The following ARHGAP23 variants were observed in gnomAD, a reference collection of about 807,000 sequenced individuals.
The protein encoded by ARHGAP23 is rho GTPase-activating protein 23.
ARHGAP23 carries 34 observed loss-of-function variants against 136.3 expected under a neutral mutation model. The observed-to-expected ratio is 0.25, with a 90% confidence interval of 0.19 to 0.33. The LOEUF (loss-of-function observed/expected upper bound fraction) is 0.33. Among genes scored for constraint, ARHGAP23 ranks in the 10% least tolerant of loss-of-function variants. The pLI, the probability that ARHGAP23 is intolerant of heterozygous loss-of-function variation, is 1.00. For synonymous variants in ARHGAP23, 832 were observed against 920.5 expected (o/e 0.90, Z 1.74); for missense variants, 1,808 against 2,139.0 (o/e 0.85, Z 3.05).
At chr17:38,465,297 T>C (rs980033701) in intron 6 of ARHGAP23, among the ~76,000 whole-genome samples, 3 of 149,864 alleles carry the variant, frequency 2.0e-5, no homozygotes, top group Non-Finnish European at 4.4e-5. Context: ...TAGTTATTTG[T>C]GTGTGTTTCA....
chr17:38,446,919 T>C (rs2039047992), intron 1 of ARHGAP23, among the ~76,000 whole-genome samples: 1 of 152,058 alleles, frequency 6.6e-6, no homozygotes, highest in African/African-American at 2.4e-5. Context: ...GTTCAAGGGA[T>C]CCTCCCACCT....
At chr17:38,458,482 A>T (rs560605103) in intron 2 of ARHGAP23, among the ~76,000 whole-genome samples, 7 of 152,228 alleles carry the variant, frequency 4.6e-5, no homozygotes, top group African/African-American at 1.7e-4. Context: ...GTGGACAAAC[A>T]CTTGAATCAC....
intron 1 of ARHGAP23, among the ~76,000 whole-genome samples, chr17:38,438,051 G>A (rs141793000): frequency 5.3e-5 from 8 of 152,266 alleles, no homozygotes; most frequent in African/African-American, 1.4e-4. Flanking sequence ...GGCCAGGCAC[G>A]GTGGCTCACG....
At position 38,510,900 on chromosome 17, in the gene ARHGAP23, C is replaced by T. The variant is rs1342663340; in HGVS notation, c.4404C>T (p.Pro1468=). 5.4e-6 allele frequency: 8 copies of T among 1,490,362 alleles called. No individual in the cohort carries two copies. The highest frequency in any genetic ancestry group is 7.1e-6 in the Non-Finnish European group (8 of 1,129,038). 92.3% of individuals were successfully genotyped at this position (1,490,362 alleles called of 1,614,324 possible). ...CCGCTGCCTCGCAGCCGCCCGCGCC[C>T]GGGGACACGGGGTCCCTGCAGAGCC... The part of the protein sequence containing the change: ...PSSAASQPPA[P]GDTGSLQSQP... Residue 1468 remains proline (P), a synonymous_variant, in exon 24 of 24, where the codon CCC becomes CCT. Transcript: ENST00000622683. The surrounding 1 kb of genome is among the most constrained non-coding windows in gnomAD (Gnocchi z 4.6).
rs371201059 is a variant in ARHGAP23, at chr17:38,464,355, G to A, written c.483+973G>A. Among the ~76,000 whole-genome samples, 274 of 152,222 alleles carry A rather than the reference G, an allele frequency of 1.8e-3. 3 individuals carry two copies. The highest frequency in any genetic ancestry group is 0.014 in the South Asian group (68 of 4,822). On this transcript the variant is annotated intron_variant, in intron 6 of 23. Transcript: ENST00000622683. ...TTTGTGCCTGGAGCCCCGGCGGTCCGCTTTGCCCAGTGCCCACCTCCCTGG... is the reference window on the plus strand; with the variant it reads ...TTTGTGCCTGGAGCCCCGGCGGTCCACTTTGCCCAGTGCCCACCTCCCTGG...
chr17:38,483,604 G>A (rs1156634450), intron 16 of ARHGAP23, among the ~76,000 whole-genome samples: 1 of 152,280 alleles, frequency 6.6e-6, no homozygotes, highest in Non-Finnish European at 1.5e-5. Flanking sequence ...CGTGGGCAGT[G>A]ATGTCCCACG....
chr17:38,453,043 C>T (rs2039216628), intron 1 of ARHGAP23, among the ~76,000 whole-genome samples: 1 of 152,150 alleles, frequency 6.6e-6, no homozygotes, highest in Admixed American at 6.5e-5. Context: ...GGCATCCATG[C>T]CTGGAGTGCC....
chr17:38,435,036 G>C (rs1892193262), intron 1 of ARHGAP23, among the ~76,000 whole-genome samples: 1 of 152,226 alleles, frequency 6.6e-6, no homozygotes, highest in African/African-American at 2.4e-5. Context: ...CCAGAGAGGG[G>C]ACATCTTCCT....
chr17:38,482,189 G>A (rs1276813416), intron 15 of ARHGAP23, 46 bp downstream of exon 15: 6 of 1,536,994 alleles, frequency 3.9e-6, no homozygotes, highest in East Asian at 2.5e-5. Flanking sequence ...GGGGGAGACC[G>A]AGGCACAGAG....
At chr17:38,453,946 G>A (rs2039259551) in intron 1 of ARHGAP23, 1 of 145,760 alleles carries the variant, frequency 6.9e-6, no homozygotes, top group Admixed American at 6.8e-5. Context: ...CCGGGGCAGT[G>A]GCCGGGCCCG....
chr17:38,429,050 C>A (rs2038628624), intron 1 of ARHGAP23, among the ~76,000 whole-genome samples: 1 of 152,208 alleles, frequency 6.6e-6, no homozygotes, highest in South Asian at 2.1e-4. Context: ...CCACACTCGC[C>A]CCCTGCCGGG....
chr17:38,428,001 C>CT (rs2038594990), upstream of ARHGAP23, among the ~76,000 whole-genome samples: 1 of 152,160 alleles, frequency 6.6e-6, no homozygotes, highest in Non-Finnish European at 1.5e-5. Flanking sequence ...TGCGCTGTCT[C>CT]TATCTTGTCT....
intron 14 of ARHGAP23, among the ~76,000 whole-genome samples, chr17:38,481,156 T>A (rs1232548927): frequency 6.7e-6 from 1 of 148,976 alleles, no homozygotes; most frequent in Non-Finnish European, 1.5e-5. Flanking sequence ...TTTTTTTTTA[T>A]TTTTTTTTGA....
rs779740413 is a variant in ARHGAP23 at position 38,467,198 on chromosome 17, C to T, written c.1515C>T (p.Pro505=). The T allele has an allele frequency of 2.0e-5, 31 of 1,550,724 alleles. No homozygotes were observed. The highest frequency in any genetic ancestry group is 9.6e-5 in the African/African-American group (7 of 73,062). ...PPTGRKVQLT[P]ARQMNLGFGD... ...CGGGCCGCAAGGTTCAGCTGACCCC[C>T]GCAAGACAGATGAACCTTGGATTTG... Residue 505 remains proline (P), a synonymous_variant, in exon 7 of 24, where the codon CCC becomes CCT. Transcript: ENST00000622683.
At chr17:38,420,250 C>T (rs1168469697) in intron 1 of ARHGAP23, among the ~76,000 whole-genome samples, 1 of 152,218 alleles carries the variant, frequency 6.6e-6, no homozygotes, top group Non-Finnish European at 1.5e-5. Flanking sequence ...TAAGAGAAGC[C>T]AGCAGCCTGA....
At chr17:38,500,827 G>A (rs2040503169) in intron 23 of ARHGAP23, 199 bp downstream of exon 23, 2 of 614,884 alleles carry the variant, frequency 3.3e-6, no homozygotes, top group Non-Finnish European at 5.9e-6. Flanking sequence ...GGCATCTGCT[G>A]TAGTAGAAGG....
intron 1 of ARHGAP23, among the ~76,000 whole-genome samples, chr17:38,455,884 G>A (rs1048140179): frequency 1.3e-5 from 2 of 152,228 alleles, no homozygotes; most frequent in South Asian, 4.1e-4. Flanking sequence ...CCCCATGGGG[G>A]TGCAGGGCAC....
intron 13 of ARHGAP23, 24 bp from the exon 14 acceptor site, chr17:38,479,729 C>T (rs1274935765): frequency 3.4e-6 from 5 of 1,466,908 alleles, no homozygotes; most frequent in African/African-American, 2.9e-5. Context: ...GAAGACCTCT[C>T]CTCTCCCCCT....
At chr17:38,452,838 C>T (rs1230667161) in intron 1 of ARHGAP23, among the ~76,000 whole-genome samples, 1 of 152,214 alleles carries the variant, frequency 6.6e-6, no homozygotes, top group Admixed American at 6.5e-5. Flanking sequence ...CCATCTGGCT[C>T]ACATGCCAGG....
Sources: allele counts gnomAD v4.1 joint callset (sites outside exome capture counted in the v4.1 genomes callset), GRCh38; gene constraint gnomAD v4.1.1; non-coding constraint Gnocchi (gnomAD v3.1); transcripts MANE v1.5; gene names NCBI Gene and HGNC (gene_info 2026-07-23, HGNC 2026-07-21).